PPP3CC: variants seen among roughly 807,000 people sequenced by gnomAD.
PPP3CC encodes the protein protein phosphatase 3 catalytic subunit gamma, also known as serine/threonine-protein phosphatase 2B catalytic subunit gamma isoform.
PPP3CC carries 35 observed loss-of-function variants against 60.3 expected under a neutral mutation model. The ratio of observed to expected loss-of-function variants is 0.58; its 90% confidence interval spans 0.44 to 0.77. The LOEUF (loss-of-function observed/expected upper bound fraction) is 0.77. Ranked by LOEUF, PPP3CC falls within the 30% of genes least tolerant of loss-of-function variation. The pLI is 0.00. For synonymous variants in PPP3CC, 206 were observed against 224.3 expected (o/e 0.92, Z 0.73); for missense variants, 570 against 628.9 (o/e 0.91, Z 1.00).
intron 4 of PPP3CC, 118 bp from the exon 5 acceptor site, chr8:22,510,968 C>G: frequency 9.0e-7 from 1 of 1,115,818 alleles, no homozygotes; most frequent in Non-Finnish European, 1.3e-6. Context: ...GATAATTGTG[C>G]TTTCAAATCA....
rs200023348 is a variant in PPP3CC, at chr8:22,540,718, C to T, written c.1455C>T (p.His485=). The change falls in exon 14 of 14, where the codon CAC becomes CAT. Residue 485 remains histidine, a synonymous_variant. Coordinates refer to ENST00000240139, the MANE Select transcript of PPP3CC (RefSeq NM_005605.5). ...TGCCACCCCGAAAGGATAGCATACA[C>T]GCTGGTGGGCCAATGAAATCTGTAA... ...ERMPPRKDSI[H]AGGPMKSVTS... is the part of the protein sequence containing the mutation. 18 of 1,614,152 alleles carry T rather than the reference C, an allele frequency of 1.1e-5. No individual in the cohort carries two copies. Among genetic ancestry groups the T allele is most frequent in the Admixed American group, 3.3e-5 (2 of 60,026 alleles).
chr8:22,476,992 A>G (rs1338933057), intron 3 of PPP3CC, among the ~76,000 whole-genome samples: 5 of 152,092 alleles, frequency 3.3e-5, no homozygotes, highest in Admixed American at 6.6e-5. Context: ...TTTAGTGTCA[A>G]ATGTGAGGAC....
chr8:22,484,339 GTA>G (rs139896414), intron 3 of PPP3CC, among the ~76,000 whole-genome samples: 32 of 149,970 alleles, frequency 2.1e-4, no homozygotes, highest in Non-Finnish European at 4.3e-4. Context: ...ATACAACATA[GTA>G]TATATATATA....
At chr8:22,530,300 C>T (rs2117141638) in intron 10 of PPP3CC, among the ~76,000 whole-genome samples, 1 of 151,958 alleles carries the variant, frequency 6.6e-6, no homozygotes, top group Middle Eastern at 3.4e-3. Context: ...ACTAAAAATG[C>T]AGAAATCAAC....
In PPP3CC at chr8:22,518,956, G is replaced by A. The variant is rs374778476; in HGVS notation, c.771-3535G>A. Among the ~76,000 whole-genome samples the A allele has an allele frequency of 1.1e-4, 16 of 152,174 alleles. No homozygotes were observed. The South Asian group carries it at 1.2e-3, about 12-fold the overall frequency. On this transcript the variant is annotated intron_variant, in intron 6 of 13. Transcript: ENST00000240139. ...CCCACCTCAGCCTCCCAAAGTGCTG[G>A]GATTACAGGTGTGAGCCACTGTGCC...
chr8:22,492,276 A>G lies in PPP3CC; in HGVS notation c.373-5725A>G, dbSNP rs376866340. ...AAGAGAAAAAATGGAATACCTGTAT[A>G]AAGTACTTATCATGAATGGATTGTA... On this transcript the variant is annotated intron_variant, in intron 3 of 13. Transcript: ENST00000240139. Among the ~76,000 whole-genome samples the G allele has an allele frequency of 1.2e-4, 18 of 152,294 alleles. 1 individual carries two copies. The highest frequency in any genetic ancestry group is 4.1e-4 in the African/African-American group (17 of 41,562).
chr8:22,530,830 A>AAAC, intron 10 of PPP3CC, among the ~76,000 whole-genome samples: 1 of 26,342 alleles, frequency 3.8e-5, no homozygotes, highest in African/African-American at 3.3e-4. Flanking sequence ...GACTCATCTC[A>AAAC]AAAAAAAAAA....
At chr8:22,451,296 C>T (rs1193815561) in intron 1 of PPP3CC, among the ~76,000 whole-genome samples, 1 of 151,922 alleles carries the variant, frequency 6.6e-6, no homozygotes, top group Admixed American at 6.6e-5. Flanking sequence ...CCACCACGCC[C>T]AGCTAGTTTT....
intron 3 of PPP3CC, among the ~76,000 whole-genome samples, chr8:22,481,379 A>AATAATAATG (rs1359865154): frequency 6.8e-6 from 1 of 147,586 alleles, no homozygotes; most frequent in African/African-American, 2.5e-5. Flanking sequence ...TAATAATAAT[A>AATAATAATG]ATGATAATAT....
At chr8:22,457,514 G>T (rs1297174537) in intron 1 of PPP3CC, among the ~76,000 whole-genome samples, 1 of 151,496 alleles carries the variant, frequency 6.6e-6, no homozygotes, top group Non-Finnish European at 1.5e-5. Context: ...CACGATGTTG[G>T]CCAGGCTGCT....
Position 22,471,028 on chromosome 8 carries a change from A to C in PPP3CC, c.50-3926A>C, listed in dbSNP as rs1417587409. Reference sequence around the variant, plus strand: ...TGTCTGCCCTTACCTTTATTAACGCAGTAGTGCTTAGCATGTAGCTACCTG... The same window carrying C: ...TGTCTGCCCTTACCTTTATTAACGCCGTAGTGCTTAGCATGTAGCTACCTG... On this transcript the variant is annotated intron_variant, in intron 1 of 13. Coordinates refer to ENST00000240139, the MANE Select transcript of PPP3CC (RefSeq NM_005605.5). 2.0e-5 allele frequency among the ~76,000 whole-genome samples: 3 copies of C among 152,222 alleles called. No homozygotes were observed. The East Asian group carries it at 5.8e-4, about 29-fold the overall frequency.
chr8:22,450,656 G>A (rs936613336), intron 1 of PPP3CC, among the ~76,000 whole-genome samples: 9 of 152,142 alleles, frequency 5.9e-5, no homozygotes, highest in Non-Finnish European at 1.3e-4. Context: ...GGTCATTCTT[G>A]TGCTCAAAAT....
chr8:22,525,295 T>C (rs1273728520), intron 8 of PPP3CC, among the ~76,000 whole-genome samples: 1 of 152,190 alleles, frequency 6.6e-6, no homozygotes, highest in African/African-American at 2.4e-5. Flanking sequence ...AGGCAGAAAA[T>C]GTGGCATTTG....
intron 6 of PPP3CC, among the ~76,000 whole-genome samples, chr8:22,519,790 G>T (rs1377267493): frequency 2.0e-5 from 3 of 152,124 alleles, no homozygotes; most frequent in African/African-American, 7.2e-5. Flanking sequence ...GAGTAGCTGG[G>T]ACTACAGGCA....
rs944782258 is a variant in PPP3CC, at chr8:22,505,183, C to T, written c.485-5903C>T. 3.9e-5 allele frequency among the ~76,000 whole-genome samples: 6 copies of T among 152,064 alleles called. No homozygotes were observed. In the South Asian group the frequency reaches 1.0e-3, roughly 26 times the overall value. ...CTGGGATTACAGGCACGCACCACCA[C>T]GCCTGGCTAATTTTTATATTTTTAG... On this transcript the variant is annotated intron_variant, in intron 4 of 13. Transcript: ENST00000240139.
intron 6 of PPP3CC, among the ~76,000 whole-genome samples, chr8:22,515,913 C>T (rs949661093): frequency 6.9e-6 from 1 of 144,564 alleles, no homozygotes; most frequent in African/African-American, 2.6e-5. Flanking sequence ...CTTTCTTCTT[C>T]TTTATTTTAT....
intron 3 of PPP3CC, among the ~76,000 whole-genome samples, chr8:22,491,243 C>T (rs1838396842): frequency 6.6e-6 from 1 of 152,182 alleles, no homozygotes; most frequent in Admixed American, 6.5e-5. Context: ...TTGAACTGAG[C>T]ATTGGTTGCC....
At chr8:22,531,140 A>G (rs902999602) in intron 10 of PPP3CC, among the ~76,000 whole-genome samples, 27 of 152,224 alleles carry the variant, frequency 1.8e-4, no homozygotes, top group Admixed American at 1.5e-3. Context: ...ATGTTGTATC[A>G]TGATTCCAAG....
chr8:22,486,054 C>A lies in PPP3CC; in HGVS notation c.372+10430C>A, dbSNP rs183053253. On this transcript the variant is annotated intron_variant, in intron 3 of 13. Transcript: ENST00000240139. ...TGTTATATGTCCTGAGTGCTTCCCC[C>A]CCGCCCTCTTGACTCTGTTTTAGTT... Among the ~76,000 whole-genome samples the A allele has an allele frequency of 4.5e-3, 686 of 151,760 alleles. 5 individuals carry two copies. Among genetic ancestry groups the A allele is most frequent in the African/African-American group, 0.015 (626 of 41,184 alleles).
Sources: allele counts gnomAD v4.1 joint callset (sites outside exome capture counted in the v4.1 genomes callset), GRCh38; gene constraint gnomAD v4.1.1; transcripts MANE v1.5; gene names NCBI Gene and HGNC (gene_info 2026-07-23, HGNC 2026-07-21).